Variants in VPS53 observed in about 807,000 individuals in gnomAD.
The protein encoded by VPS53 is vacuolar protein sorting-associated protein 53 homolog.
Under a neutral mutation model 107.0 loss-of-function variants are expected in VPS53, and 70 were observed. The observed-to-expected ratio is 0.65, with a 90% confidence interval of 0.54 to 0.80. The LOEUF (loss-of-function observed/expected upper bound fraction) is 0.80. Among genes scored for constraint, VPS53 ranks in the 30% least tolerant of loss-of-function variants. VPS53 has a pLI of 0.00. For missense variants in VPS53, 917 were observed against 1,049.4 expected (o/e 0.87, Z 1.74); for synonymous variants, 409 against 393.3 (o/e 1.04, Z -0.47).
chr17:621,820 T>C (rs11649729), intron 11 of VPS53, among the ~76,000 whole-genome samples: 35,741 of 152,124 alleles, frequency 0.23, 4,413 homozygotes, highest in Admixed American at 0.32. Context: ...GGTCTCTTTT[T>C]CCAAAAGAAC....
At chr17:691,976 C>T (rs1972791265) in intron 4 of VPS53, among the ~76,000 whole-genome samples, 1 of 152,136 alleles carries the variant, frequency 6.6e-6, no homozygotes, top group African/African-American at 2.4e-5. Context: ...TGGAATGTAT[C>T]CCCCACAGGT....
chr17:598,842 C>T (rs1470774891), intron 12 of VPS53, among the ~76,000 whole-genome samples: 1 of 77,096 alleles, frequency 1.3e-5, no homozygotes, highest in African/African-American at 4.7e-5. Context: ...CGTCTCCGCC[C>T]GGCAGCCACC....
chr17:594,177 G>A (rs946077828), intron 12 of VPS53, among the ~76,000 whole-genome samples: 8 of 152,068 alleles, frequency 5.3e-5, no homozygotes, highest in Non-Finnish European at 7.4e-5. Flanking sequence ...GAGGAGGGGG[G>A]AGGGATAGCA....
intron 17 of VPS53, chr17:551,553 A>T: frequency 6.3e-6 from 1 of 159,800 alleles, no homozygotes. Flanking sequence ...AGTGACAGAG[A>T]GAGACCCTGT....
chr17:551,722 G>A, intron 17 of VPS53, 150 bp downstream of exon 17: 1 of 544,678 alleles, frequency 1.8e-6, no homozygotes. Context: ...GACACTAACT[G>A]AGTGCTTTCA....
chr17:572,459 G>A (rs1185032739), intron 13 of VPS53, among the ~76,000 whole-genome samples: 1 of 150,586 alleles, frequency 6.6e-6, no homozygotes, highest in Non-Finnish European at 1.5e-5. Flanking sequence ...CGGGAGGTGA[G>A]GGGCGCCTCT....
chr17:633,047 C>T (rs1212451587), intron 7 of VPS53, among the ~76,000 whole-genome samples: 1 of 152,166 alleles, frequency 6.6e-6, no homozygotes, highest in East Asian at 1.9e-4. Context: ...AAGGGGAGGC[C>T]AGTACTCAAC....
intron 4 of VPS53, chr17:674,861 A>G (rs1363803519): frequency 6.6e-6 from 1 of 152,264 alleles, no homozygotes. Context: ...ACGTCACAGA[A>G]CTGATGCGGG....
In VPS53 at chr17:551,739, C is replaced by G. The variant is rs1911838217; in HGVS notation, c.1866+133G>C. On this transcript the variant is annotated intron_variant, in intron 17 of 21. Coordinates refer to ENST00000437048, the MANE Select transcript of VPS53 (RefSeq NM_001128159.3). Reference sequence around the variant, plus strand: ...CACTAACTGAGTGCTTTCAGGAACTCCGGGGCCTCTCCATTCTCCTCAGCT... The same window carrying G: ...CACTAACTGAGTGCTTTCAGGAACTGCGGGGCCTCTCCATTCTCCTCAGCT... 4.3e-6 allele frequency: 3 copies of G among 696,536 alleles called. No homozygotes were observed. In the South Asian group the frequency reaches 7.9e-5, roughly 18 times the overall value. 43.1% of individuals were successfully genotyped at this position (696,536 alleles called of 1,614,324 possible). A position where few individuals can be genotyped will look rare whatever the true frequency, so the allele number is the denominator to read the frequency against.
intron 4 of VPS53, among the ~76,000 whole-genome samples, chr17:667,975 A>G (rs1258393290): frequency 6.6e-6 from 1 of 152,180 alleles, no homozygotes; most frequent in Non-Finnish European, 1.5e-5. Context: ...GAGGTGGAAC[A>G]GTTTCATCCT....
Position 661,703 on chromosome 17 carries a change from T to C in VPS53, c.372+106A>G, listed in dbSNP as rs1971444994. On this transcript the variant is annotated intron_variant, in intron 5 of 21. Transcript: ENST00000437048. ...GCTTTAGAGATGCAGATGACTCTGG[T>C]TGGCAGGAGGTGCCATTATTAGAAA... The C allele has an allele frequency of 6.7e-6, 7 of 1,047,920 alleles. No individual in the cohort carries two copies. The South Asian group carries it at 1.1e-4, about 17-fold the overall frequency. 64.9% of individuals were successfully genotyped at this position (1,047,920 alleles called of 1,614,324 possible).
intron 15 of VPS53, among the ~76,000 whole-genome samples, chr17:558,821 TAAA>T (rs35915328): frequency 7.4e-6 from 1 of 135,028 alleles, no homozygotes. Flanking sequence ...CCATCTCTAC[TAAA>T]AAAAAAAAAA....
In VPS53 at chr17:517,443, G is replaced by C. The variant is rs916171026; in HGVS notation, c.*1685C>G. ...AAACAAGGTGGGGATGAGGAAATCAGGTTTCCAGGCAGATTTCCAAACCTT... is the reference window on the plus strand; with the variant it reads ...AAACAAGGTGGGGATGAGGAAATCACGTTTCCAGGCAGATTTCCAAACCTT... On this transcript the variant is annotated 3_prime_UTR_variant, in exon 22 of 22. Transcript: ENST00000437048. The C allele has an allele frequency of 2.3e-5, 9 of 398,692 alleles. No homozygotes were observed. The highest frequency in any genetic ancestry group is 4.0e-5 in the Non-Finnish European group (9 of 226,130). 24.7% of individuals were successfully genotyped at this position (398,692 alleles called of 1,614,324 possible).
intron 11 of VPS53, among the ~76,000 whole-genome samples, chr17:619,378 T>G (rs370772022): frequency 3.4e-4 from 15 of 43,534 alleles, no homozygotes; most frequent in African/African-American, 1.1e-3. Context: ...CGCACCACCA[T>G]GCCCCGCTAA....
chr17:609,868 G>A (rs576931884), intron 11 of VPS53, among the ~76,000 whole-genome samples: 2 of 152,088 alleles, frequency 1.3e-5, no homozygotes, highest in African/African-American at 2.4e-5. Flanking sequence ...GGTGGCTCAC[G>A]CCTGTAATCC....
chr17:555,746 C>T (rs190174278), intron 15 of VPS53, among the ~76,000 whole-genome samples: 14 of 152,256 alleles, frequency 9.2e-5, no homozygotes, highest in East Asian at 1.9e-4. Context: ...TGATGACAGA[C>T]GTACAAAACA....
chr17:710,466 C>T, intron 2 of VPS53, 67 bp downstream of exon 2: 1 of 1,259,834 alleles, frequency 7.9e-7, no homozygotes, highest in Admixed American at 1.8e-5. Context: ...TAGTGTAACA[C>T]ACGAAGCATA....
intron 18 of VPS53, among the ~76,000 whole-genome samples, chr17:533,880 C>T (rs2151809294): frequency 6.6e-6 from 1 of 151,936 alleles, no homozygotes; most frequent in Non-Finnish European, 1.5e-5. Flanking sequence ...CGCTCTGTCA[C>T]CCAGGCTGGA....
Position 627,225 on chromosome 17 carries a change from C to T in VPS53, c.923G>A (p.Arg308His), listed in dbSNP as rs764969273. The T allele has an allele frequency of 4.0e-5, 64 of 1,614,022 alleles. No homozygotes were observed. Among genetic ancestry groups the T allele is most frequent in the Non-Finnish European group, 5.2e-5 (61 of 1,180,034 alleles). Residue 308 changes from arginine (R) to histidine (H), a missense_variant, in exon 10 of 22, where the codon CGT becomes CAT. Physicochemically the swap from Arg to His is conservative, Grantham distance 29. Transcript: ENST00000437048. ...AATCCTCTCAGCCATGCACCACTCACGTGGAAACATGCGGCCGTATTTCTC... is the reference window on the plus strand; with the variant it reads ...AATCCTCTCAGCCATGCACCACTCATGTGGAAACATGCGGCCGTATTTCTC... ...YEEKYGRMFP[R>H]EWCMAERIAV...
Sources: gnomAD v4.1 joint callset for allele counts (sites outside exome capture counted in the v4.1 genomes callset) on GRCh38, gnomAD v4.1.1 for gene constraint, MANE v1.5 for transcripts, NCBI Gene and HGNC (gene_info 2026-07-23, HGNC 2026-07-21) for gene names.